SMG1: variants seen among roughly 807,000 people sequenced by gnomAD.
The protein encoded by SMG1 is serine/threonine-protein kinase SMG1.
In SMG1, 22 loss-of-function variants were observed where a neutral mutation model predicts 419.9. That is an observed-to-expected ratio of 0.05 (90% CI 0.04 to 0.07). The LOEUF is 0.07. Ranked by LOEUF, SMG1 falls within the 10% of genes least tolerant of loss-of-function variation. SMG1 has a pLI of 1.00. For synonymous variants in SMG1, 1,538 were observed against 1,553.5 expected (o/e 0.99, Z 0.23); for missense variants, 3,185 against 4,342.0 (o/e 0.73, Z 7.49).
At chr16:18,864,212 T>G (rs2035371977) in intron 23 of SMG1, 68 bp from the exon 24 acceptor site, 6 of 1,212,600 alleles carry the variant, frequency 4.9e-6, no homozygotes, top group South Asian at 3.4e-5. Context: ...TTTTTTTTTT[T>G]GTGATGAAGT....
At chr16:18,925,843 A>T in intron 1 of SMG1, 107 bp downstream of exon 1, 1 of 818,734 alleles carries the variant, frequency 1.2e-6, no homozygotes. Context: ...CCCGGCTCCG[A>T]GGGGTGGAGG....
chr16:18,909,338 A>G (rs1381756983), intron 1 of SMG1, among the ~76,000 whole-genome samples: 1 of 152,002 alleles, frequency 6.6e-6, no homozygotes, highest in Non-Finnish European at 1.5e-5. Flanking sequence ...GCGAAACTCC[A>G]TCTCAAAAAA....
At chr16:18,904,779 A>G (rs1006620383) in intron 1 of SMG1, among the ~76,000 whole-genome samples, 10 of 151,824 alleles carry the variant, frequency 6.6e-5, no homozygotes, top group African/African-American at 2.4e-4. Context: ...AACTAAAAAT[A>G]CAAATATCAG....
rs993701689 is a variant in SMG1 at position 18,926,323 on chromosome 16, G to A, written c.-282C>T. 3 of 407,832 alleles carry A rather than the reference G, an allele frequency of 7.4e-6. No homozygotes were observed. The highest frequency in any genetic ancestry group is 4.4e-5 in the South Asian group (1 of 22,686). 25.3% of individuals were successfully genotyped at this position (407,832 alleles called of 1,614,324 possible). Reference sequence around the variant, plus strand: ...GAGGCGACGTCTTTTCCAGGGCCGTGCGCGGCCCACGTCGCCGGGGCCCCG... The same window carrying A: ...GAGGCGACGTCTTTTCCAGGGCCGTACGCGGCCCACGTCGCCGGGGCCCCG... On this transcript the variant is annotated 5_prime_UTR_variant, in exon 1 of 63. Transcript: ENST00000446231.
chr16:18,839,592 C>A, intron 42 of SMG1, 106 bp downstream of exon 42: 3 of 1,439,918 alleles, frequency 2.1e-6, no homozygotes, highest in Non-Finnish European at 2.9e-6. Context: ...ACTACCAAGT[C>A]TGGAGGGACA....
At position 18,850,010 on chromosome 16, in the gene SMG1, A is replaced by T. The variant is rs745308638; in HGVS notation, c.5400T>A (p.Ala1800=). The change falls in exon 35 of 63, where the codon GCT becomes GCA. Residue 1800 remains alanine, a synonymous_variant. Coordinates refer to ENST00000446231, the MANE Select transcript of SMG1 (RefSeq NM_015092.5). ...GCTCCAGATACTGCCGAAGCTCACC[A>T]GCATGCTTCACGAGCAACCGCAGCA... is the stretch of plus-strand genomic sequence containing the variant. The part of the protein sequence containing the change: ...LRLLRLLVKH[A]GELRQYLEHG... 1.2e-6 allele frequency: 2 copies of T among 1,613,996 alleles called. No individual in the cohort carries two copies. The highest frequency in any genetic ancestry group is 1.7e-6 in the Non-Finnish European group (2 of 1,179,894).
chr16:18,817,702 G>A (rs1300103004), intron 56 of SMG1, among the ~76,000 whole-genome samples: 1 of 152,068 alleles, frequency 6.6e-6, no homozygotes, highest in Non-Finnish European at 1.5e-5. Context: ...AAACAATTAG[G>A]TAAATTTATC....
Position 18,829,140 on chromosome 16 carries a change from GC to G in SMG1, c.9603+145del. 4 of 633,772 alleles carry G rather than the reference GC, an allele frequency of 6.3e-6. 2 individuals are homozygous for G. The highest frequency in any genetic ancestry group is 1.1e-5 in the Non-Finnish European group (4 of 368,208). 39.3% of individuals were successfully genotyped at this position (633,772 alleles called of 1,614,324 possible). On this transcript the variant is annotated intron_variant, in intron 54 of 62. Coordinates refer to ENST00000446231, the MANE Select transcript of SMG1 (RefSeq NM_015092.5). ...AACGAAGTATCATTGGAAAGAAAGT[GC>G]CAAAATGCTATGGTGTGTTTGCATT...
At chr16:18,908,943 T>C (rs1044644446) in intron 1 of SMG1, among the ~76,000 whole-genome samples, 1 of 151,840 alleles carries the variant, frequency 6.6e-6, no homozygotes, top group African/African-American at 2.4e-5. Context: ...ATAATAACTG[T>C]AGTTATTCTG....
chr16:18,847,629 A>C, intron 37 of SMG1, 22 bp from the exon 38 acceptor site: 1 of 1,613,778 alleles, frequency 6.2e-7, no homozygotes, highest in East Asian at 2.2e-5. Context: ...GCACACCCAA[A>C]TAGCTCATCT....
intron 10 of SMG1, among the ~76,000 whole-genome samples, chr16:18,881,714 T>G (rs921221475): frequency 1.3e-5 from 2 of 152,168 alleles, no homozygotes; most frequent in African/African-American, 4.8e-5. Flanking sequence ...TTAATTTGTT[T>G]ATGTTCTTTG....
At chr16:18,881,533 T>C (rs921107213) in intron 10 of SMG1, among the ~76,000 whole-genome samples, 4 of 152,202 alleles carry the variant, frequency 2.6e-5, no homozygotes, top group African/African-American at 9.6e-5. Flanking sequence ...TCAGTTCGAT[T>C]AAATCTTTTA....
chr16:18,863,797 A>G lies in SMG1; in HGVS notation c.3548T>C (p.Ile1183Thr), dbSNP rs760521759. Residue 1183 changes from isoleucine (I) to threonine (T), a missense_variant, in exon 25 of 63, where the codon ATA becomes ACA. This residue lies in a region of SMG1 where 121 missense variants were observed against 125.4 expected (regional missense o/e 0.96). Transcript: ENST00000446231. ...ACATGCTTTATTTCCTAAATAATTT[A>G]TAACCTCAGGGGAAGAGTCAGTCGG... ...SKPTDSSPEV[I>T]NYLGNKACEC... 2.5e-6 allele frequency: 4 copies of G among 1,589,118 alleles called. No homozygotes were observed. Among genetic ancestry groups the G allele is most frequent in the Non-Finnish European group, 3.4e-6 (4 of 1,164,412 alleles).
chr16:18,839,360 T>C (rs1223316465), intron 42 of SMG1, among the ~76,000 whole-genome samples: 1 of 152,070 alleles, frequency 6.6e-6, no homozygotes, highest in East Asian at 1.9e-4. Flanking sequence ...CACCCTCAAG[T>C]AGGCCCCAGT....
intron 39 of SMG1, among the ~76,000 whole-genome samples, chr16:18,844,014 C>T (rs1362340054): frequency 6.6e-6 from 1 of 151,866 alleles, no homozygotes; most frequent in Non-Finnish European, 1.5e-5. Context: ...ATTATACACA[C>T]ACACACACAC....
chr16:18,886,519 T>C (rs2036618870), intron 6 of SMG1, among the ~76,000 whole-genome samples: 1 of 152,198 alleles, frequency 6.6e-6, no homozygotes, highest in Non-Finnish European at 1.5e-5. Flanking sequence ...ACCATCATTT[T>C]AGGCTGGGTG....
rs766174509 is a variant in SMG1 at position 18,815,301 on chromosome 16, G to A, written c.10515-20C>T. ...TAGATACTGAAATACAAAATAAAAT[G>A]GCTTATTTACGAAATGTTTTACCTG... On this transcript the variant is annotated intron_variant, in intron 59 of 62. Transcript: ENST00000446231. 1.3e-6 allele frequency: 2 copies of A among 1,545,406 alleles called. No individual in the cohort carries two copies. Among genetic ancestry groups the A allele is most frequent in the Non-Finnish European group, 8.8e-7 (1 of 1,135,598 alleles).
chr16:18,889,170 T>C (rs1383175379), intron 6 of SMG1, among the ~76,000 whole-genome samples: 1 of 152,242 alleles, frequency 6.6e-6, no homozygotes, highest in Middle Eastern at 3.4e-3. Context: ...TCTCCACATA[T>C]ATGCATATAT....
chr16:18,925,280 G>A (rs952182907), intron 1 of SMG1: 10 of 152,110 alleles, frequency 6.6e-5, no homozygotes, highest in Admixed American at 4.6e-4. Flanking sequence ...TTCTAAGTGG[G>A]TGCCCAAAGA....
Sources: gnomAD v4.1 joint callset for allele counts (sites outside exome capture counted in the v4.1 genomes callset) on GRCh38, gnomAD v4.1.1 for gene constraint, gnomAD v4.1.1 regional missense constraint, MANE v1.5 for transcripts, NCBI Gene and HGNC (gene_info 2026-07-23, HGNC 2026-07-21) for gene names.